Variants in STAG1 observed in about 807,000 individuals in gnomAD.
STAG1 encodes cohesin subunit SA-1.
In STAG1, 26 loss-of-function variants were observed where a neutral mutation model predicts 170.9. The observed-to-expected ratio is 0.15, with a 90% CI of 0.11 to 0.21. STAG1 has a LOEUF of 0.21. Among genes scored for constraint, STAG1 ranks in the 10% least tolerant of loss-of-function variants. STAG1 has a pLI of 1.00. For synonymous variants in STAG1, 514 were observed against 497.7 expected, an observed-to-expected ratio of 1.03 and a Z score of -0.44; for missense variants, 964 against 1,509.5, an observed-to-expected ratio of 0.64 and a Z score of 5.99.
At chr3:136,479,014 TG>T (rs2089841843) in intron 9 of STAG1, among the ~76,000 whole-genome samples, 1 of 151,378 alleles carries the variant, frequency 6.6e-6, no homozygotes, top group Non-Finnish European at 1.5e-5. Flanking sequence ...GAATTCTACC[TG>T]GCATCCATTA....
intron 2 of STAG1, among the ~76,000 whole-genome samples, chr3:136,628,550 A>G (rs976671881): frequency 1.3e-4 from 20 of 152,304 alleles, no homozygotes; most frequent in African/African-American, 4.8e-4. Context: ...TGGGCCTAAT[A>G]GCCTGCTCCC....
At chr3:136,570,916 G>GT (rs367544082) in intron 4 of STAG1, among the ~76,000 whole-genome samples, 7 of 152,292 alleles carry the variant, frequency 4.6e-5, no homozygotes, top group African/African-American at 1.4e-4. Flanking sequence ...GATTATGGTG[G>GT]TAAGAGAGGG....
chr3:136,711,406 T>C (rs1943377615), intron 1 of STAG1, among the ~76,000 whole-genome samples: 1 of 151,922 alleles, frequency 6.6e-6, no homozygotes, highest in East Asian at 1.9e-4. Flanking sequence ...CAAATAATTT[T>C]AAAAATTAGC....
rs910562839 is a variant in STAG1, at chr3:136,493,680, C to T, written c.902+6543G>A. 1.5e-3 allele frequency among the ~76,000 whole-genome samples: 194 copies of T among 127,832 alleles called. 3 individuals are homozygous for T. In the East Asian group the frequency reaches 0.038, roughly 25 times the overall value. The allele number at this position is 127,832 out of a possible 152,430, so 83.9% of individuals were successfully genotyped here. On this transcript the variant is annotated intron_variant, in intron 9 of 33. Transcript: ENST00000383202. ...CGAAAAAAAAAAAAAAAAAACAACACAAATAATAAATATGGAAACATAAAT... is the reference window on the plus strand; with the variant it reads ...CGAAAAAAAAAAAAAAAAAACAACATAAATAATAAATATGGAAACATAAAT...
intron 7 of STAG1, among the ~76,000 whole-genome samples, chr3:136,505,062 A>G (rs1933688628): frequency 6.6e-6 from 1 of 152,190 alleles, no homozygotes; most frequent in African/African-American, 2.4e-5. Flanking sequence ...TTAAAAACAA[A>G]CCTCAAATTA....
chr3:136,559,212 A>T (rs1936744699), intron 5 of STAG1, among the ~76,000 whole-genome samples: 1 of 152,162 alleles, frequency 6.6e-6, no homozygotes, highest in African/African-American at 2.4e-5. Flanking sequence ...ATTAAAATAG[A>T]TTGCTAAAGA....
At chr3:136,391,127 G>C (rs1052180382) in intron 22 of STAG1, among the ~76,000 whole-genome samples, 1 of 152,184 alleles carries the variant, frequency 6.6e-6, no homozygotes, top group South Asian at 2.1e-4. Flanking sequence ...TAGCTACCTA[G>C]GGTATATTGA....
intron 14 of STAG1, among the ~76,000 whole-genome samples, chr3:136,450,808 A>C (rs1056207935): frequency 6.6e-6 from 1 of 152,106 alleles, no homozygotes; most frequent in African/African-American, 2.4e-5. Flanking sequence ...GCAGTGGTAC[A>C]ATCTCGGCTC....
chr3:136,714,980 T>A lies in STAG1; in HGVS notation c.-84+37215A>T, dbSNP rs372738826. Among the ~76,000 whole-genome samples the A allele has an allele frequency of 1.4e-3, 156 of 109,728 alleles. No homozygotes were observed. In the East Asian group the frequency reaches 0.02, roughly 14 times the overall value. 72.0% of individuals were successfully genotyped at this position (109,728 alleles called of 152,430 possible). ...ATATATATATTTTATATATATATTT[T>A]TATATATATATTTTATATATATAAT... On this transcript the variant is annotated intron_variant, in intron 1 of 33. Transcript: ENST00000383202.
At chr3:136,660,715 T>G (rs1019459970) in intron 1 of STAG1, among the ~76,000 whole-genome samples, 2 of 152,024 alleles carry the variant, frequency 1.3e-5, no homozygotes, top group African/African-American at 4.8e-5. Flanking sequence ...ACACCTGTAA[T>G]CCCAGCACTT....
At chr3:136,598,947 G>A (rs1938551943) in intron 4 of STAG1, among the ~76,000 whole-genome samples, 1 of 151,984 alleles carries the variant, frequency 6.6e-6, no homozygotes, top group Non-Finnish European at 1.5e-5. Flanking sequence ...TCACTCCTGA[G>A]AACAAACTTT....
intron 2 of STAG1, among the ~76,000 whole-genome samples, chr3:136,630,474 G>T (rs1011732562): frequency 1.3e-5 from 2 of 152,134 alleles, no homozygotes; most frequent in African/African-American, 4.8e-5. Flanking sequence ...AAATATTTTA[G>T]GCTTTCCACG....
intron 3 of STAG1, chr3:136,609,414 CATATATATAT>C (rs67290906): frequency 7.2e-6 from 1 of 139,522 alleles, no homozygotes; most frequent in Non-Finnish European, 1.6e-5. Flanking sequence ...TTTATAGATA[CATATATATAT>C]ATATACACAC....
intron 6 of STAG1, among the ~76,000 whole-genome samples, chr3:136,528,648 G>T (rs964044014): frequency 6.6e-6 from 1 of 152,020 alleles, no homozygotes; most frequent in African/African-American, 2.4e-5. Context: ...CAAAGAAATA[G>T]ATATCATTAA....
At chr3:136,354,524 A>G (rs1472635371) in intron 28 of STAG1, among the ~76,000 whole-genome samples, 10 of 150,520 alleles carry the variant, frequency 6.6e-5, no homozygotes, top group Non-Finnish European at 7.4e-5. Flanking sequence ...CTGGTCTTGA[A>G]CTCTTGACCT....
chr3:136,616,671 T>A (rs1215273139), intron 3 of STAG1, among the ~76,000 whole-genome samples: 1 of 151,734 alleles, frequency 6.6e-6, no homozygotes, highest in Non-Finnish European at 1.5e-5. Context: ...ACTTTAGGAG[T>A]CCTACTGGGC....
intron 5 of STAG1, among the ~76,000 whole-genome samples, chr3:136,556,448 C>T (rs945574096): frequency 4.6e-5 from 7 of 152,092 alleles, no homozygotes; most frequent in Non-Finnish European, 8.8e-5. Flanking sequence ...ATGCTTCCCA[C>T]GACAAAGACT....
chr3:136,567,797 A>ATG (rs1937137075), intron 5 of STAG1, among the ~76,000 whole-genome samples: 1 of 152,228 alleles, frequency 6.6e-6, no homozygotes, highest in South Asian at 2.1e-4. Context: ...AAATGAGCTA[A>ATG]TGTATGTAAA....
At chr3:136,584,151 C>T (rs538647237) in intron 4 of STAG1, among the ~76,000 whole-genome samples, 1 of 152,342 alleles carries the variant, frequency 6.6e-6, no homozygotes, top group Middle Eastern at 3.4e-3. Flanking sequence ...TGTCCTGGTA[C>T]TCTAAAATAC....
Sources: gnomAD v4.1 joint callset for allele counts (sites outside exome capture counted in the v4.1 genomes callset) on GRCh38, gnomAD v4.1.1 for gene constraint, MANE v1.5 for transcripts, NCBI Gene and HGNC (gene_info 2026-07-23, HGNC 2026-07-21) for gene names.